The following RBX1 variants were observed in gnomAD, a reference collection of about 807,000 sequenced individuals.
The protein encoded by RBX1 is ring-box 1.
For missense variants in RBX1, 46 were observed against 141.4 expected, an observed-to-expected ratio of 0.33 and a Z score of 3.42; for synonymous variants, 48 against 47.9, an observed-to-expected ratio of 1.00 and a Z score of -0.01.
At chr22:40,956,723 C>T (rs892403918) in intron 2 of RBX1, among the ~76,000 whole-genome samples, 1 of 151,242 alleles carries the variant, frequency 6.6e-6, no homozygotes, top group African/African-American at 2.4e-5. Context: ...TGTCCGACCT[C>T]AAGTCTTTAC....
At chr22:40,959,329 C>T (rs967546899) in intron 2 of RBX1, among the ~76,000 whole-genome samples, 1 of 152,134 alleles carries the variant, frequency 6.6e-6, no homozygotes, top group Non-Finnish European at 1.5e-5. Flanking sequence ...AGTTCCTGCC[C>T]GTTTAAACTA....
At chr22:40,953,492 T>A in intron 1 of RBX1, 63 bp from the exon 2 acceptor site, 1 of 1,087,694 alleles carries the variant, frequency 9.2e-7, no homozygotes, top group South Asian at 1.2e-5. Flanking sequence ...CAGCCTGAGG[T>A]CCTAAAGAGT....
intron 2 of RBX1, 42 bp downstream of exon 2, chr22:40,953,675 C>T (rs2058317346): frequency 2.2e-6 from 3 of 1,387,766 alleles, no homozygotes; most frequent in Admixed American, 1.7e-5. Context: ...GAGAAGGTTG[C>T]AGAGATTGTG....
At chr22:40,958,167 C>T (rs113522249) in intron 2 of RBX1, among the ~76,000 whole-genome samples, 4 of 151,976 alleles carry the variant, frequency 2.6e-5, no homozygotes, top group African/African-American at 9.6e-5. Context: ...GCTGTGTTGT[C>T]CAGGCTTGTC....
At chr22:40,967,980 T>A (rs924168657) in intron 4 of RBX1, 96 bp downstream of exon 4, 1 of 800,080 alleles carries the variant, frequency 1.2e-6, no homozygotes, top group Non-Finnish European at 2.1e-6. Context: ...CATGCCTTGT[T>A]TTTTTTAAAA....
chr22:40,952,432 C>T (rs1879450445), intron 1 of RBX1, among the ~76,000 whole-genome samples: 1 of 152,182 alleles, frequency 6.6e-6, no homozygotes, highest in Non-Finnish European at 1.5e-5. Context: ...TTTGGTGTCT[C>T]ATTGTGGCCA....
Position 40,972,170 on chromosome 22 carries a change from A to G in RBX1, c.315-306A>G, listed in dbSNP as rs9611445. Among the ~76,000 whole-genome samples the G allele has an allele frequency of 5.2e-3, 795 of 152,256 alleles. 5 individuals are homozygous for G. The highest frequency in any genetic ancestry group is 8.8e-3 in the Non-Finnish European group (598 of 68,030). On this transcript the variant is annotated intron_variant, in intron 4 of 4. Transcript: ENST00000216225. ...GCGGAGCTCCCTTTCACAACCACCA[A>G]TGACTTTTCCCTCTCACCTCCCTAA...
At chr22:40,951,826 G>C (rs1461091104) in intron 1 of RBX1, among the ~76,000 whole-genome samples, 4 of 151,992 alleles carry the variant, frequency 2.6e-5, no homozygotes, top group Non-Finnish European at 5.9e-5. Flanking sequence ...TGGGTGGAAT[G>C]GGGAGTCGAA....
chr22:40,965,464 G>A (rs548141496), intron 3 of RBX1, among the ~76,000 whole-genome samples: 51 of 147,400 alleles, frequency 3.5e-4, no homozygotes, highest in African/African-American at 1.2e-3. Flanking sequence ...TTTTTGAGAC[G>A]GAGTCTCACT....
intron 2 of RBX1, among the ~76,000 whole-genome samples, chr22:40,956,796 G>A (rs13056347): frequency 6.6e-6 from 1 of 151,842 alleles, no homozygotes; most frequent in African/African-American, 2.4e-5. Context: ...AGCACTTTGG[G>A]AGGCCAAGGC....
chr22:40,956,152 C>T (rs1316001980), intron 2 of RBX1, among the ~76,000 whole-genome samples: 2 of 151,828 alleles, frequency 1.3e-5, no homozygotes, highest in African/African-American at 2.4e-5. Context: ...AAGACAAAGG[C>T]GATCTATATT....
chr22:40,956,991 C>T (rs150553303), intron 2 of RBX1, among the ~76,000 whole-genome samples: 2,845 of 149,672 alleles, frequency 0.019, 82 homozygotes, highest in African/African-American at 0.064. Flanking sequence ...GCTGAGATCG[C>T]GCCATTGCAC....
At chr22:40,968,686 C>A (rs1463210155) in intron 4 of RBX1, among the ~76,000 whole-genome samples, 3 of 152,096 alleles carry the variant, frequency 2.0e-5, no homozygotes, top group Non-Finnish European at 4.4e-5. Context: ...ATGAATTTCC[C>A]ACTGTAGGCC....
At chr22:40,956,394 C>CT (rs552394610) in intron 2 of RBX1, among the ~76,000 whole-genome samples, 2,442 of 135,400 alleles carry the variant, frequency 0.018, 32 homozygotes, top group Middle Eastern at 0.087. Context: ...AGGTCTTTAC[C>CT]TTTTTTTTTT....
chr22:40,951,796 CAGGGT>C (rs1235880291), intron 1 of RBX1, among the ~76,000 whole-genome samples: 2 of 37,852 alleles, frequency 5.3e-5, no homozygotes, highest in African/African-American at 2.0e-4. Context: ...GGGGGAAGGA[CAGGGT>C]AGGGTGGGGT....
At chr22:40,967,148 A>C (rs1011829500) in intron 3 of RBX1, 1 of 152,118 alleles carries the variant, frequency 6.6e-6, no homozygotes, top group African/African-American at 2.4e-5. Flanking sequence ...ATTTTCTTTT[A>C]TCTCATTCCC....
chr22:40,963,873 G>A (rs2058347317), intron 2 of RBX1, among the ~76,000 whole-genome samples, 174 bp from the exon 3 acceptor site: 1 of 152,168 alleles, frequency 6.6e-6, no homozygotes, highest in South Asian at 2.1e-4. Flanking sequence ...TTTAAACAAG[G>A]ATAGGAAATC....
chr22:40,969,399 C>G (rs897922668), intron 4 of RBX1, among the ~76,000 whole-genome samples: 1 of 152,092 alleles, frequency 6.6e-6, no homozygotes, highest in Admixed American at 6.6e-5. Context: ...ATACATGAAG[C>G]TTTGTGTAAA....
chr22:40,960,548 T>G (rs2058337115), intron 2 of RBX1, among the ~76,000 whole-genome samples: 1 of 152,138 alleles, frequency 6.6e-6, no homozygotes, highest in Admixed American at 6.6e-5. Flanking sequence ...CAGATCAAAT[T>G]TAAACACGAT....
Sources: allele counts gnomAD v4.1 joint callset (sites outside exome capture counted in the v4.1 genomes callset), GRCh38; gene constraint gnomAD v4.1.1; transcripts MANE v1.5; gene names NCBI Gene and HGNC (gene_info 2026-07-23, HGNC 2026-07-21).